Variants in COPS7A observed in about 807,000 individuals in gnomAD.
COPS7A encodes the protein COP9 signalosome subunit 7A, also known as COP9 signalosome complex subunit 7a.
Under a neutral mutation model 35.2 loss-of-function variants are expected in COPS7A, and 20 were observed. That is an observed-to-expected ratio of 0.57 (90% CI 0.40 to 0.83). The LOEUF (loss-of-function observed/expected upper bound fraction) is 0.83, where lower values mean the gene tolerates loss of function less well. Ranked by LOEUF, COPS7A falls within the 40% of genes least tolerant of loss-of-function variation. The pLI, the probability that COPS7A is intolerant of heterozygous loss-of-function variation, is 0.00. For missense variants in COPS7A, 247 were observed against 347.5 expected (o/e 0.71, Z 2.30); for synonymous variants, 139 against 141.4 (o/e 0.98, Z 0.12).
intron 2 of COPS7A, among the ~76,000 whole-genome samples, chr12:6,725,157 C>CT (rs60514531): frequency 0.027 from 3,822 of 139,540 alleles, 63 homozygotes; most frequent in Non-Finnish European, 0.037. Flanking sequence ...TCAGCTTTCT[C>CT]TTTTTTTTTT....
chr12:6,725,697 A>T, intron 2 of COPS7A: 1 of 456,156 alleles, frequency 2.2e-6, no homozygotes, highest in South Asian at 1.5e-5. Flanking sequence ...CGTTCACACA[A>T]AAGTGGCAGA....
At position 6,729,329 on chromosome 12, in the gene COPS7A, A is replaced by G. The variant is rs1441908358; in HGVS notation, c.410A>G (p.Tyr137Cys). 1.9e-6 allele frequency: 3 copies of G among 1,614,166 alleles called. No homozygotes were observed. Among genetic ancestry groups the G allele is most frequent in the East Asian group, 4.5e-5 (2 of 44,880 alleles). The change falls in exon 5 of 8, where the codon TAT becomes TGT. Residue 137 changes from tyrosine to cysteine, a missense_variant. Coordinates refer to ENST00000543155, the MANE Select transcript of COPS7A (RefSeq NM_001164094.2). The surrounding 1 kb of genome is among the most constrained non-coding windows in gnomAD (Gnocchi z 4.2). ...QLEDLVIEAVYADVLRGSLDQ... is the reference protein window; with the variant it reads ...QLEDLVIEAVCADVLRGSLDQ... ...GAAGACCTTGTGATTGAGGCTGTGTATGCTGACGTGCTTCGTGGCTCCCTG... is the reference window on the plus strand; with the variant it reads ...GAAGACCTTGTGATTGAGGCTGTGTGTGCTGACGTGCTTCGTGGCTCCCTG...
At position 6,731,407 on chromosome 12, in the gene COPS7A, C is replaced by T; in HGVS notation, c.*368C>T. ...TAACCCACAGGCGTTTTTTCTGCCACCCCATCCCTGCATGCCTGATCCCCA... is the reference window on the plus strand; with the variant it reads ...TAACCCACAGGCGTTTTTTCTGCCATCCCATCCCTGCATGCCTGATCCCCA... On this transcript the variant is annotated 3_prime_UTR_variant, in exon 8 of 8. Coordinates refer to ENST00000543155, the MANE Select transcript of COPS7A (RefSeq NM_001164094.2). The T allele has an allele frequency of 9.3e-7, 1 of 1,070,946 alleles. No homozygotes were observed. The allele number at this position is 1,070,946 out of a possible 1,614,324, so 66.3% of individuals were successfully genotyped here. A position where few individuals can be genotyped will look rare whatever the true frequency, so the allele number is the denominator to read the frequency against.
intron 2 of COPS7A, 112 bp from the exon 3 acceptor site, chr12:6,727,814 G>C: frequency 1.1e-6 from 1 of 939,058 alleles, no homozygotes; most frequent in Admixed American, 1.9e-5. Flanking sequence ...AGCCAGGAGA[G>C]TTAACATTGG....
intron 2 of COPS7A, among the ~76,000 whole-genome samples, chr12:6,727,209 C>T (rs1198433530): frequency 2.0e-5 from 3 of 151,912 alleles, no homozygotes; most frequent in African/African-American, 4.8e-5. Flanking sequence ...TGGTGGTGCA[C>T]GCCTGTAATC....
intron 5 of COPS7A, 71 bp from the exon 6 acceptor site, chr12:6,730,331 T>G: frequency 6.8e-7 from 1 of 1,479,426 alleles, no homozygotes; most frequent in Non-Finnish European, 9.4e-7. Flanking sequence ...GGGTTCTTTT[T>G]GAGTCAGTTT....
At position 6,727,932 on chromosome 12, in the gene COPS7A, G is replaced by A; in HGVS notation, c.169G>A (p.Glu57Lys). Reference protein sequence around the residue: ...LDMPNVRELAESDFASTFRLL... With the variant: ...LDMPNVRELAKSDFASTFRLL... ...TTTTTCCTCATTCTCGCAGCTGGCT[G>A]AGAGTGACTTTGCCTCTACCTTCCG... is the stretch of plus-strand genomic sequence containing the variant. The change falls in exon 3 of 8, where the codon GAG becomes AAG. Residue 57 changes from glutamate to lysine, a missense_variant. By Grantham distance (56) the Glu-to-Lys change is moderately conservative. Transcript: ENST00000543155. 6.2e-7 allele frequency: 1 copy of A among 1,614,160 alleles called. No individual in the cohort carries two copies. Among genetic ancestry groups the A allele is most frequent in the Non-Finnish European group, 8.5e-7 (1 of 1,180,008 alleles).
rs2137756669 is a variant in COPS7A, at chr12:6,729,570, A to G, written c.530+121A>G. 2 of 1,043,664 alleles carry G rather than the reference A, an allele frequency of 1.9e-6. No individual in the cohort carries two copies. The highest frequency in any genetic ancestry group is 5.2e-5 in the East Asian group (2 of 38,424). The allele number at this position is 1,043,664 out of a possible 1,614,324, so 64.7% of individuals were successfully genotyped here. A position where few individuals can be genotyped will look rare whatever the true frequency, so the allele number is the denominator to read the frequency against. ...GGTGGAACCCAAGAGGATGAAGGGA[A>G]ATGAGTTCATCCCTCCAAAGGCTTC... On this transcript the variant is annotated intron_variant, in intron 5 of 7. Coordinates refer to ENST00000543155, the MANE Select transcript of COPS7A (RefSeq NM_001164094.2). This position sits in a 1 kb window ranked among gnomAD's most constrained non-coding sequence, Gnocchi z 4.2.
intron 2 of COPS7A, among the ~76,000 whole-genome samples, chr12:6,727,474 C>T (rs1186411022): frequency 6.6e-6 from 1 of 151,740 alleles, no homozygotes; most frequent in Non-Finnish European, 1.5e-5. Context: ...GTTTAGATGT[C>T]TTTCTAGGCT....
chr12:6,729,555 A>C lies in COPS7A; in HGVS notation c.530+106A>C. 8.6e-7 allele frequency: 1 copy of C among 1,169,474 alleles called. No individual in the cohort carries two copies. The highest frequency in any genetic ancestry group is 2.2e-5 in the Admixed American group (1 of 45,258). 72.4% of individuals were successfully genotyped at this position (1,169,474 alleles called of 1,614,324 possible). On this transcript the variant is annotated intron_variant, in intron 5 of 7. Coordinates refer to ENST00000543155, the MANE Select transcript of COPS7A (RefSeq NM_001164094.2). This position sits in a 1 kb window ranked among gnomAD's most constrained non-coding sequence, Gnocchi z 4.2. ...GGGCTGGTCCGCAGAGGTGGAACCC[A>C]AGAGGATGAAGGGAAATGAGTTCAT...
Position 6,731,011 on chromosome 12 carries a change from G to A in COPS7A, c.800G>A (p.Ser267Asn), listed in dbSNP as rs1941380633. The change falls in exon 8 of 8, where the codon AGC becomes AAC. Residue 267 changes from serine to asparagine, a missense_variant. Coordinates refer to ENST00000543155, the MANE Select transcript of COPS7A (RefSeq NM_001164094.2). ...KASKGKGLRG[S>N]AKIWSKSN ...CTTCTCCTTGCCAGGCTCCGAGGGA[G>A]CGCCAAGATTTGGTCCAAGTCGAAT... is the stretch of plus-strand genomic sequence containing the variant. 2.5e-6 allele frequency: 4 copies of A among 1,613,890 alleles called. No individual in the cohort carries two copies. The highest frequency in any genetic ancestry group is 3.4e-6 in the Non-Finnish European group (4 of 1,179,860).
At chr12:6,725,590 T>G in intron 2 of COPS7A, 1 of 455,770 alleles carries the variant, frequency 2.2e-6, no homozygotes, top group Non-Finnish European at 4.4e-6. Context: ...TTCTTCCCTA[T>G]GTGCAGCATA....
At position 6,724,197 on chromosome 12, in the gene COPS7A, G is replaced by A. The variant is rs1325123919; in HGVS notation, c.-44+18G>A. On this transcript the variant is annotated intron_variant, in intron 1 of 7. Coordinates refer to ENST00000543155, the MANE Select transcript of COPS7A (RefSeq NM_001164094.2). ...GACCCAGGGTACGACGAAGCAGTCG[G>A]CGGGAGCCCACGGTCGCTGGGCGGT... The A allele has an allele frequency of 2.2e-5, 6 of 278,558 alleles. No homozygotes were observed. The East Asian group carries it at 8.7e-4, about 40-fold the overall frequency. 17.3% of individuals were successfully genotyped at this position (278,558 alleles called of 1,614,324 possible).
intron 2 of COPS7A, 156 bp from the exon 3 acceptor site, chr12:6,727,768 AAG>A (rs1355776424): frequency 8.3e-6 from 6 of 718,606 alleles, no homozygotes; most frequent in Non-Finnish European, 1.3e-5. Flanking sequence ...TTCCTATGTG[AAG>A]AGTGATCAGA....
Position 6,724,189 on chromosome 12 carries a change from A to G in COPS7A, c.-44+10A>G. 3.5e-6 allele frequency: 1 copy of G among 282,886 alleles called. No individual in the cohort carries two copies. Among genetic ancestry groups the G allele is most frequent in the Non-Finnish European group, 7.0e-6 (1 of 142,034 alleles). The allele number at this position is 282,886 out of a possible 1,614,324, so 17.5% of individuals were successfully genotyped here. Reference sequence around the variant, plus strand: ...CAGAGCCTGACCCAGGGTACGACGAAGCAGTCGGCGGGAGCCCACGGTCGC... The same window carrying G: ...CAGAGCCTGACCCAGGGTACGACGAGGCAGTCGGCGGGAGCCCACGGTCGC... On this transcript the variant is annotated intron_variant, in intron 1 of 7. Coordinates refer to ENST00000543155, the MANE Select transcript of COPS7A (RefSeq NM_001164094.2).
chr12:6,724,582 G>A (rs762497986), intron 1 of COPS7A, 32 bp from the exon 2 acceptor site: 2 of 1,580,566 alleles, frequency 1.3e-6, no homozygotes, highest in Non-Finnish European at 1.7e-6. Context: ...AGCCATCGGG[G>A]ACCTCTAGCT....
Position 6,730,459 on chromosome 12 carries a change from C to T in COPS7A, c.588C>T (p.Asn196=), listed in dbSNP as rs776130358. Residue 196 remains asparagine (N), a synonymous_variant, in exon 6 of 8, where the codon AAC becomes AAT. Coordinates refer to ENST00000543155, the MANE Select transcript of COPS7A (RefSeq NM_001164094.2). The part of the protein sequence containing the change: ...SGIEEQVSRA[N]QHKEQQLGLK... The stretch of plus-strand genomic sequence containing the variant: ...TTGAGGAGCAGGTGAGCCGTGCCAA[C>T]CAACACAAGGAGCAGCAGCTGGGCC... 1.9e-6 allele frequency: 3 copies of T among 1,614,136 alleles called. No individual in the cohort carries two copies. Among genetic ancestry groups the T allele is most frequent in the Non-Finnish European group, 1.7e-6 (2 of 1,180,032 alleles).
rs758156967 is a variant in COPS7A, at chr12:6,728,203, A to G, written c.239-20A>G. ...GAAAACTGAAATCAGGATTCCTTACACTTTGTCGTTTTTCCCTAGCTGAAG... is the reference window on the plus strand; with the variant it reads ...GAAAACTGAAATCAGGATTCCTTACGCTTTGTCGTTTTTCCCTAGCTGAAG... On this transcript the variant is annotated intron_variant, in intron 3 of 7. Transcript: ENST00000543155. 3 of 1,611,176 alleles carry G rather than the reference A, an allele frequency of 1.9e-6. No individual in the cohort carries two copies. The highest frequency in any genetic ancestry group is 2.5e-6 in the Non-Finnish European group (3 of 1,177,584).
rs761659824 is a variant in COPS7A, at chr12:6,731,113, C to G, written c.*74C>G. 1 of 1,613,506 alleles carries G rather than the reference C, an allele frequency of 6.2e-7. No individual in the cohort carries two copies. The highest frequency in any genetic ancestry group is 1.1e-5 in the South Asian group (1 of 91,036). On this transcript the variant is annotated 3_prime_UTR_variant, in exon 8 of 8. Transcript: ENST00000543155. ...TGCCTCTTAGGAGTCCTCAGAGAGC[C>G]TTCTGTGCCCCTGGCCAGCTGATAA...
Sources: gnomAD v4.1 joint callset for allele counts (sites outside exome capture counted in the v4.1 genomes callset) on GRCh38, gnomAD v4.1.1 for gene constraint, Gnocchi (gnomAD v3.1) non-coding constraint, MANE v1.5 for transcripts, NCBI Gene and HGNC (gene_info 2026-07-23, HGNC 2026-07-21) for gene names.